ASTN1: variants seen among roughly 807,000 people sequenced by gnomAD.
ASTN1 encodes the protein astrotactin 1.
ASTN1 carries 41 observed loss-of-function variants against 140.7 expected under a neutral mutation model. The ratio of observed to expected loss-of-function variants is 0.29; its 90% CI spans 0.23 to 0.38. The LOEUF (loss-of-function observed/expected upper bound fraction) is 0.38, where lower values mean the gene tolerates loss of function less well. Ranked by LOEUF, ASTN1 falls within the 10% of genes least tolerant of loss-of-function variation. ASTN1 has a pLI of 1.00. For missense variants in ASTN1, 1,479 were observed against 1,678.8 expected, an observed-to-expected ratio of 0.88 and a Z score of 2.08; for synonymous variants, 640 against 652.2, an observed-to-expected ratio of 0.98 and a Z score of 0.29.
intron 1 of ASTN1, among the ~76,000 whole-genome samples, chr1:177,063,202 C>T (rs2102037561): frequency 6.6e-6 from 1 of 152,294 alleles, no homozygotes; most frequent in African/African-American, 2.4e-5. Context: ...TCTCAAAAGA[C>T]ACTGATATGA....
intron 16 of ASTN1, among the ~76,000 whole-genome samples, chr1:176,918,872 C>T (rs1357476504): frequency 6.6e-6 from 1 of 152,162 alleles, no homozygotes; most frequent in Non-Finnish European, 1.5e-5. Context: ...CAGCCAGGCC[C>T]CTGTTCCCTC....
At chr1:177,072,608 T>C (rs891003349) in intron 1 of ASTN1, among the ~76,000 whole-genome samples, 5 of 152,202 alleles carry the variant, frequency 3.3e-5, no homozygotes, top group Non-Finnish European at 7.3e-5. Flanking sequence ...TAACATACAT[T>C]GACAGAACAG....
chr1:177,041,832 C>A (rs1676989141), intron 2 of ASTN1, among the ~76,000 whole-genome samples: 1 of 152,148 alleles, frequency 6.6e-6, no homozygotes, highest in South Asian at 2.1e-4. Flanking sequence ...TCAGGCAGCC[C>A]AGCTTAATGG....
intron 8 of ASTN1, among the ~76,000 whole-genome samples, chr1:176,984,884 T>G (rs2101887030): frequency 6.6e-6 from 1 of 152,336 alleles, no homozygotes; most frequent in South Asian, 2.1e-4. Context: ...CTTGCCTGAA[T>G]GTTCTCCAGT....
intron 22 of ASTN1, among the ~76,000 whole-genome samples, chr1:176,865,176 T>C (rs1467920251): frequency 1.3e-5 from 2 of 152,302 alleles, no homozygotes; most frequent in African/African-American, 4.8e-5. Flanking sequence ...CCATTATCAT[T>C]GTCACTTAGC....
intron 1 of ASTN1, among the ~76,000 whole-genome samples, chr1:177,110,489 C>T (rs1402294162): frequency 6.6e-6 from 1 of 152,114 alleles, no homozygotes; most frequent in African/African-American, 2.4e-5. Context: ...ACAAACCTGT[C>T]TTTTCCAGCG....
chr1:177,015,094 T>C (rs1440933962), intron 7 of ASTN1, among the ~76,000 whole-genome samples: 1 of 152,184 alleles, frequency 6.6e-6, no homozygotes, highest in Non-Finnish European at 1.5e-5. Context: ...GTGATACTTT[T>C]CATAGAAGAG....
chr1:177,029,429 T>C (rs186200318), intron 5 of ASTN1: 1 of 753,378 alleles, frequency 1.3e-6, no homozygotes, highest in African/African-American at 1.7e-5. Context: ...TGCCATTATC[T>C]GGGAGAGATG....
At chr1:177,129,492 C>T (rs1681836917) in intron 1 of ASTN1, among the ~76,000 whole-genome samples, 1 of 152,076 alleles carries the variant, frequency 6.6e-6, no homozygotes, top group Admixed American at 6.6e-5. Flanking sequence ...TCTTCTTCAG[C>T]CTGAGAGGCT....
At chr1:176,946,629 A>C (rs1337961644) in intron 12 of ASTN1, among the ~76,000 whole-genome samples, 1 of 152,204 alleles carries the variant, frequency 6.6e-6, no homozygotes, top group Non-Finnish European at 1.5e-5. Flanking sequence ...AAGATTTATC[A>C]TCTCCTGGCA....
intron 1 of ASTN1, among the ~76,000 whole-genome samples, chr1:177,068,656 T>C (rs1678479616): frequency 6.6e-6 from 1 of 152,130 alleles, no homozygotes; most frequent in South Asian, 2.1e-4. Flanking sequence ...AACCATGTTA[T>C]TCAATGACAC....
At chr1:176,891,663 C>T (rs1669273625) in intron 17 of ASTN1, among the ~76,000 whole-genome samples, 1 of 151,992 alleles carries the variant, frequency 6.6e-6, no homozygotes, top group African/African-American at 2.4e-5. Flanking sequence ...CATGGTGGCA[C>T]ATGCCTGTAA....
intron 20 of ASTN1, among the ~76,000 whole-genome samples, chr1:176,880,594 G>A (rs1386300372): frequency 6.6e-6 from 1 of 152,080 alleles, no homozygotes; most frequent in Non-Finnish European, 1.5e-5. Context: ...TTTGGGCCAT[G>A]GATCCTTCTC....
rs1475292699 is a variant in ASTN1 at position 176,878,446 on chromosome 1, C to T, written c.3363-1809G>A. Among the ~76,000 whole-genome samples the T allele has an allele frequency of 2.0e-5, 3 of 151,888 alleles. No homozygotes were observed. In the East Asian group the frequency reaches 5.8e-4, roughly 29 times the overall value. ...CCTCTCCTCTAAGCTCAGAGGGGAG[C>T]CCCTACAGCTTCTCGGTGGCAATGC... is the stretch of plus-strand genomic sequence containing the variant. On this transcript the variant is annotated intron_variant, in intron 20 of 22. Transcript: ENST00000361833.
intron 9 of ASTN1, among the ~76,000 whole-genome samples, chr1:176,958,774 G>A (rs577573821): frequency 9.2e-4 from 140 of 152,290 alleles, no homozygotes; most frequent in African/African-American, 3.2e-3. Flanking sequence ...TTGAAGCTGG[G>A]CTTCCCCTGT....
intron 1 of ASTN1, among the ~76,000 whole-genome samples, chr1:177,134,246 G>A (rs1020780295): frequency 6.6e-6 from 1 of 152,184 alleles, no homozygotes; most frequent in Non-Finnish European, 1.5e-5. Flanking sequence ...TTCACTGAGT[G>A]CCTTTTTGCT....
rs149236433 is a variant in ASTN1, at chr1:177,007,278, G to A, written c.1523+7513C>T. Among the ~76,000 whole-genome samples, 71 of 152,210 alleles carry A rather than the reference G, an allele frequency of 4.7e-4. 2 individuals are homozygous for A. In the East Asian group the frequency reaches 0.013, roughly 28 times the overall value. ...CGTGATGGCACATGCCTTAATCTCAGCTACTCAGGAGGCTGAGGCAGGAGA... is the reference window on the plus strand; with the variant it reads ...CGTGATGGCACATGCCTTAATCTCAACTACTCAGGAGGCTGAGGCAGGAGA... On this transcript the variant is annotated intron_variant, in intron 8 of 22. Transcript: ENST00000361833.
chr1:177,030,798 A>G lies in ASTN1; in HGVS notation c.1012+8T>C. On this transcript the variant is annotated splice_region_variant and intron_variant, in intron 4 of 22. Transcript: ENST00000361833. ...CCACCCACGAGCCCTAATGTCAGAC[A>G]TGCATACCTCTTGCTTTGTTGTTGA... 1 of 1,614,024 alleles carries G rather than the reference A, an allele frequency of 6.2e-7. No individual in the cohort carries two copies. Among genetic ancestry groups the G allele is most frequent in the Non-Finnish European group, 8.5e-7 (1 of 1,179,914 alleles).
At chr1:177,093,599 G>C (rs1245762400) in intron 1 of ASTN1, among the ~76,000 whole-genome samples, 1 of 152,088 alleles carries the variant, frequency 6.6e-6, no homozygotes, top group Non-Finnish European at 1.5e-5. Flanking sequence ...TGTAAAAAGG[G>C]TAAGCCTGGA....
Sources: allele counts gnomAD v4.1 joint callset (sites outside exome capture counted in the v4.1 genomes callset), GRCh38; gene constraint gnomAD v4.1.1; transcripts MANE v1.5; gene names NCBI Gene and HGNC (gene_info 2026-07-23, HGNC 2026-07-21).